The following BTRC variants were observed in gnomAD, a reference collection of about 807,000 sequenced individuals.
BTRC encodes the protein F-box/WD repeat-containing protein 1A.
Under a neutral mutation model 85.5 loss-of-function variants are expected in BTRC, and 42 were observed. That is an observed-to-expected ratio of 0.49 (90% CI 0.38 to 0.64). The LOEUF (loss-of-function observed/expected upper bound fraction) is 0.64, where lower values mean the gene tolerates loss of function less well. Among genes scored for constraint, BTRC ranks in the 30% least tolerant of loss-of-function variants. The pLI is 0.00. For missense variants in BTRC, 594 were observed against 743.5 expected, an observed-to-expected ratio of 0.80 and a Z score of 2.34; for synonymous variants, 255 against 263.3, an observed-to-expected ratio of 0.97 and a Z score of 0.30.
Position 101,431,368 on chromosome 10 carries a change from C to T in BTRC, c.156+916C>T, listed in dbSNP as rs990793460. Among the ~76,000 whole-genome samples the T allele has an allele frequency of 2.0e-5, 3 of 151,804 alleles. No individual in the cohort carries two copies. In the South Asian group the frequency reaches 6.2e-4, roughly 32 times the overall value. ...CTGGAATTACAGGCAAGAACCACCG[C>T]ACACAGACCCCTCAGCCTTTCTTAG... is the stretch of plus-strand genomic sequence containing the variant. On this transcript the variant is annotated intron_variant, in intron 2 of 14. Transcript: ENST00000370187.
chr10:101,414,680 A>T (rs773170916), intron 1 of BTRC: 2 of 518,004 alleles, frequency 3.9e-6, no homozygotes, highest in Admixed American at 3.9e-5. Flanking sequence ...TAAGCTATGA[A>T]GGTAGAAGAC....
chr10:101,539,558 T>G (rs2062436313), intron 13 of BTRC, among the ~76,000 whole-genome samples: 1 of 152,232 alleles, frequency 6.6e-6, no homozygotes, highest in African/African-American at 2.4e-5. Flanking sequence ...CTGAGTAGTA[T>G]TCTATTGTAT....
chr10:101,523,271 A>C (rs2062145937), intron 5 of BTRC, among the ~76,000 whole-genome samples: 1 of 152,160 alleles, frequency 6.6e-6, no homozygotes, highest in Non-Finnish European at 1.5e-5. Flanking sequence ...TTTTAGTTGA[A>C]GTTTTTAGAA....
At chr10:101,469,858 T>G (rs920472597) in intron 3 of BTRC, among the ~76,000 whole-genome samples, 1 of 152,220 alleles carries the variant, frequency 6.6e-6, no homozygotes, top group African/African-American at 2.4e-5. Context: ...GCTATATTTT[T>G]GGGGTCTGAC....
intron 4 of BTRC, among the ~76,000 whole-genome samples, chr10:101,485,492 A>G (rs566098593): frequency 6.6e-6 from 1 of 152,224 alleles, no homozygotes; most frequent in African/African-American, 2.4e-5. Flanking sequence ...CTGATTCTGG[A>G]TGGCCCTTGA....
At chr10:101,552,910 A>G (rs1281271769) in intron 14 of BTRC, among the ~76,000 whole-genome samples, 1 of 152,168 alleles carries the variant, frequency 6.6e-6, no homozygotes, top group Admixed American at 6.5e-5. Context: ...TCAAGACATC[A>G]GAGTCACTCT....
At chr10:101,508,930 A>C (rs1232950855) in intron 4 of BTRC, among the ~76,000 whole-genome samples, 2 of 150,878 alleles carry the variant, frequency 1.3e-5, no homozygotes, top group East Asian at 1.9e-4. Context: ...AAAAAAAAAA[A>C]AAAAAACTAA....
intron 4 of BTRC, among the ~76,000 whole-genome samples, chr10:101,510,322 C>A (rs1475778071): frequency 6.6e-6 from 1 of 151,898 alleles, no homozygotes; most frequent in Non-Finnish European, 1.5e-5. Flanking sequence ...TCCTGGCTAA[C>A]ATGGTGAAAC....
At chr10:101,441,372 C>T (rs1338477129) in intron 2 of BTRC, among the ~76,000 whole-genome samples, 1 of 152,154 alleles carries the variant, frequency 6.6e-6, no homozygotes, top group East Asian at 1.9e-4. Context: ...TCCAGGCTTG[C>T]CTCATGAGCA....
intron 4 of BTRC, among the ~76,000 whole-genome samples, chr10:101,505,554 A>T (rs2134307795): frequency 6.6e-6 from 1 of 151,548 alleles, no homozygotes; most frequent in East Asian, 2.0e-4. Context: ...TAGGAGGTGG[A>T]GCTTGCAGTG....
At chr10:101,537,503 G>A (rs2062404989) in intron 12 of BTRC, among the ~76,000 whole-genome samples, 1 of 152,176 alleles carries the variant, frequency 6.6e-6, no homozygotes, top group Non-Finnish European at 1.5e-5. Context: ...ACTCCAGCCT[G>A]GGCAACAGAG....
At chr10:101,365,066 A>T (rs1399465884) in intron 1 of BTRC, 6 of 151,660 alleles carry the variant, frequency 4.0e-5, no homozygotes, top group African/African-American at 1.5e-4. Flanking sequence ...TCTTTTTAAA[A>T]TTTTTTTATT....
chr10:101,354,460 A>C (rs1020952910), intron 1 of BTRC: 1 of 528,774 alleles, frequency 1.9e-6, no homozygotes, highest in African/African-American at 2.0e-5. Flanking sequence ...GCCAAGTGAC[A>C]GCGGGAGCTT....
intron 9 of BTRC, among the ~76,000 whole-genome samples, chr10:101,534,226 C>T (rs1466479342): frequency 1.3e-5 from 2 of 152,080 alleles, no homozygotes; most frequent in African/African-American, 4.8e-5. Context: ...TATGATAAAA[C>T]CTGAGATCCA....
intron 1 of BTRC, among the ~76,000 whole-genome samples, chr10:101,419,416 G>C (rs1944037661): frequency 6.6e-6 from 1 of 152,160 alleles, no homozygotes; most frequent in South Asian, 2.1e-4. Context: ...GTCTAGGGCT[G>C]AGGTCTCATT....
chr10:101,485,177 C>T (rs1222291660), intron 4 of BTRC, among the ~76,000 whole-genome samples: 1 of 151,880 alleles, frequency 6.6e-6, no homozygotes, highest in African/African-American at 2.4e-5. Context: ...AAACCATTTT[C>T]AACCAAAAAG....
chr10:101,424,707 A>G (rs1474109057), intron 1 of BTRC, among the ~76,000 whole-genome samples: 1 of 152,134 alleles, frequency 6.6e-6, no homozygotes, highest in Non-Finnish European at 1.5e-5. Context: ...TGAGATTTTC[A>G]GTGTTCTCTG....
At chr10:101,434,181 T>C (rs1944468761) in intron 2 of BTRC, among the ~76,000 whole-genome samples, 1 of 152,230 alleles carries the variant, frequency 6.6e-6, no homozygotes, top group South Asian at 2.1e-4. Flanking sequence ...GGTTGACATA[T>C]GTGAGTAATA....
chr10:101,495,605 T>C (rs1312772070), intron 4 of BTRC, among the ~76,000 whole-genome samples: 1 of 152,190 alleles, frequency 6.6e-6, no homozygotes, highest in East Asian at 1.9e-4. Context: ...CAAGTGAAGA[T>C]ATAGTCTCAG....
Sources: allele counts gnomAD v4.1 joint callset (sites outside exome capture counted in the v4.1 genomes callset), GRCh38; gene constraint gnomAD v4.1.1; transcripts MANE v1.5; gene names NCBI Gene and HGNC (gene_info 2026-07-23, HGNC 2026-07-21).